The following SH3BGRL2 variants were observed in gnomAD, a reference collection of about 807,000 sequenced individuals.
The protein encoded by SH3BGRL2 is SH3 domain binding glutamate rich protein like 2.
In SH3BGRL2, 21 loss-of-function variants were observed where a neutral mutation model predicts 14.8. The ratio of observed to expected loss-of-function variants is 1.42; its 90% CI spans 1.01 to 2.05. The LOEUF is 2.05. SH3BGRL2 is among the 30% of genes most tolerant of loss of function. The probability of loss-of-function intolerance (pLI) is 0.00; values close to 1 mark genes in which losing one functional copy is unlikely to be tolerated. For missense variants in SH3BGRL2, 147 were observed against 130.8 expected, an observed-to-expected ratio of 1.12 and a Z score of -0.61; for synonymous variants, 50 against 47.8, an observed-to-expected ratio of 1.05 and a Z score of -0.19.
chr6:79,634,633 T>A (rs1768888738), intron 1 of SH3BGRL2, among the ~76,000 whole-genome samples: 1 of 152,186 alleles, frequency 6.6e-6, no homozygotes, highest in Non-Finnish European at 1.5e-5. Flanking sequence ...AGTCTGCTGC[T>A]TGCCTAGCTC....
At chr6:79,558,651 G>T in the SH3BGRL2 span, among the ~76,000 whole-genome samples, 2 of 151,820 alleles carry the variant, frequency 1.3e-5, no homozygotes. Flanking sequence ...GATCGCTTCA[G>T]CCCAGGAGTT....
chr6:79,549,118 T>C, the SH3BGRL2 span, among the ~76,000 whole-genome samples: 1 of 152,046 alleles, frequency 6.6e-6, no homozygotes, highest in African/African-American at 2.4e-5. Context: ...TGCCATGAAA[T>C]AAATAAAAAG....
At chr6:79,683,139 T>C (rs1037685906) in intron 2 of SH3BGRL2, among the ~76,000 whole-genome samples, 3 of 152,190 alleles carry the variant, frequency 2.0e-5, no homozygotes, top group Admixed American at 6.5e-5. Context: ...ATGGTACATG[T>C]ATACCTATGT....
At chr6:79,605,623 C>T in the SH3BGRL2 span, among the ~76,000 whole-genome samples, 1 of 152,090 alleles carries the variant, frequency 6.6e-6, no homozygotes, top group African/African-American at 2.4e-5. Flanking sequence ...ATTTTAAGTG[C>T]CAATATGAAA....
At chr6:79,552,888 T>C in the SH3BGRL2 span, 1 of 152,232 alleles carries the variant, frequency 6.6e-6, no homozygotes, top group Non-Finnish European at 1.5e-5. Flanking sequence ...TTGGTATTCA[T>C]GTTAAGTTAG....
chr6:79,582,915 CA>C, the SH3BGRL2 span, among the ~76,000 whole-genome samples: 1 of 152,078 alleles, frequency 6.6e-6, no homozygotes, highest in Admixed American at 6.6e-5. Flanking sequence ...CCAGAATCTA[CA>C]AAGAACTCAA....
At chr6:79,580,165 A>G in the SH3BGRL2 span, among the ~76,000 whole-genome samples, 1 of 152,202 alleles carries the variant, frequency 6.6e-6, no homozygotes, top group Admixed American at 6.5e-5. Flanking sequence ...TTAGAGACCT[A>G]CAAAGAGACT....
chr6:79,564,273 T>C, the SH3BGRL2 span, among the ~76,000 whole-genome samples: 2 of 152,082 alleles, frequency 1.3e-5, no homozygotes, highest in African/African-American at 4.8e-5. Context: ...ATAAATCAGC[T>C]GAAAAATGAA....
chr6:79,577,256 C>T, the SH3BGRL2 span, among the ~76,000 whole-genome samples: 17,716 of 152,172 alleles, frequency 0.12, 1,801 homozygotes, highest in East Asian at 0.56. Flanking sequence ...GCCAATATCA[C>T]ACTTCCTTGT....
rs1389690846 is a variant in SH3BGRL2 at position 79,699,831 on chromosome 6, TG to T, written c.*324del. On this transcript the variant is annotated 3_prime_UTR_variant, in exon 4 of 4. Transcript: ENST00000369838. ...GGTAGCACCGTCAGAGAGAAAATGT[TG>T]GATCTGCCCTAGGTTATAGTAGATG... is the stretch of plus-strand genomic sequence containing the variant. 7 of 350,044 alleles carry T rather than the reference TG, an allele frequency of 2.0e-5. No individual in the cohort carries two copies. The East Asian group carries it at 3.1e-4, about 15-fold the overall frequency. The allele number at this position is 350,044 out of a possible 1,614,324, so 21.7% of individuals were successfully genotyped here.
chr6:79,597,515 G>A, the SH3BGRL2 span, among the ~76,000 whole-genome samples: 1 of 151,954 alleles, frequency 6.6e-6, no homozygotes, highest in Non-Finnish European at 1.5e-5. Flanking sequence ...ATAATTCAAC[G>A]AGAAAAAAAT....
At chr6:79,576,273 G>A in the SH3BGRL2 span, among the ~76,000 whole-genome samples, 94 of 152,162 alleles carry the variant, frequency 6.2e-4, no homozygotes, top group South Asian at 6.8e-3. Context: ...AATACTTCTT[G>A]AATCTCACTG....
At chr6:79,642,517 C>T (rs1344028556) in intron 1 of SH3BGRL2, among the ~76,000 whole-genome samples, 3 of 151,848 alleles carry the variant, frequency 2.0e-5, no homozygotes, top group Non-Finnish European at 4.4e-5. Context: ...CCTGGAGAGC[C>T]GGGAGAGGGG....
chr6:79,637,736 A>G (rs1052013029), intron 1 of SH3BGRL2, among the ~76,000 whole-genome samples: 1 of 152,186 alleles, frequency 6.6e-6, no homozygotes, highest in African/African-American at 2.4e-5. Context: ...TTACATAAGA[A>G]AACAAATCGA....
the SH3BGRL2 span, among the ~76,000 whole-genome samples, chr6:79,544,568 A>G: frequency 6.6e-6 from 1 of 152,218 alleles, no homozygotes. Flanking sequence ...CCACTGGTTA[A>G]ACCTTTACCA....
intron 1 of SH3BGRL2, among the ~76,000 whole-genome samples, chr6:79,639,586 T>A (rs1266281324): frequency 1.3e-5 from 2 of 152,146 alleles, no homozygotes; most frequent in Non-Finnish European, 2.9e-5. Flanking sequence ...TGAGACCTTG[T>A]CTCAGACAAA....
chr6:79,543,152 T>A, the SH3BGRL2 span, among the ~76,000 whole-genome samples: 1 of 152,268 alleles, frequency 6.6e-6, no homozygotes, highest in South Asian at 2.1e-4. Flanking sequence ...TTTCTAGTAG[T>A]CATGTTAAAA....
At chr6:79,649,754 G>A (rs1422929199) in intron 1 of SH3BGRL2, among the ~76,000 whole-genome samples, 1 of 152,004 alleles carries the variant, frequency 6.6e-6, no homozygotes, top group Non-Finnish European at 1.5e-5. Context: ...CTCTGTTAAT[G>A]CCAATTTCAA....
chr6:79,568,475 GA>G, the SH3BGRL2 span, among the ~76,000 whole-genome samples: 4 of 152,108 alleles, frequency 2.6e-5, no homozygotes, highest in Admixed American at 2.6e-4. Flanking sequence ...GAAAGTGACA[GA>G]ATATATAGAT....
Sources: allele counts gnomAD v4.1 joint callset (sites outside exome capture counted in the v4.1 genomes callset), GRCh38; gene constraint gnomAD v4.1.1; transcripts MANE v1.5; gene names NCBI Gene and HGNC (gene_info 2026-07-23, HGNC 2026-07-21).